Variants in GRIK3 observed in about 807,000 individuals in gnomAD.
The protein encoded by GRIK3 is glutamate ionotropic receptor kainate type subunit 3.
A neutral mutation model predicts 102.5 loss-of-function variants in GRIK3; 29 were observed. The observed-to-expected ratio is 0.28, with a 90% confidence interval of 0.21 to 0.39. The LOEUF is 0.39. Among genes scored for constraint, GRIK3 ranks in the 10% least tolerant of loss-of-function variants. The probability of loss-of-function intolerance (pLI) is 1.00; values close to 1 mark genes in which losing one functional copy is unlikely to be tolerated. For synonymous variants in GRIK3, 511 were observed against 504.9 expected, an observed-to-expected ratio of 1.01 and a Z score of -0.16; for missense variants, 908 against 1,252.4, an observed-to-expected ratio of 0.73 and a Z score of 4.15.
intron 1 of GRIK3, among the ~76,000 whole-genome samples, chr1:36,919,456 G>A (rs991099734): frequency 6.6e-6 from 1 of 152,014 alleles, no homozygotes; most frequent in East Asian, 1.9e-4. Context: ...GTGCCATGCT[G>A]GTGCGCTGCT....
At chr1:36,915,378 G>C (rs1019310069) in intron 1 of GRIK3, among the ~76,000 whole-genome samples, 1 of 152,122 alleles carries the variant, frequency 6.6e-6, no homozygotes, top group Non-Finnish European at 1.5e-5. Flanking sequence ...AACAAGACCT[G>C]GCACATAATT....
chr1:36,921,228 C>T (rs538305405), intron 1 of GRIK3, among the ~76,000 whole-genome samples: 1 of 152,330 alleles, frequency 6.6e-6, no homozygotes, highest in East Asian at 1.9e-4. Flanking sequence ...CAGCTCTGGC[C>T]CTGCTAGCTG....
intron 11 of GRIK3, among the ~76,000 whole-genome samples, chr1:36,820,241 A>C (rs1642681663): frequency 6.6e-6 from 1 of 152,252 alleles, no homozygotes; most frequent in Admixed American, 6.5e-5. Context: ...GGAATGATTA[A>C]ATAAATGATG....
intron 1 of GRIK3, among the ~76,000 whole-genome samples, chr1:36,940,955 A>C (rs1283121022): frequency 2.0e-5 from 3 of 152,166 alleles, no homozygotes; most frequent in Non-Finnish European, 2.9e-5. Context: ...ATGTATTTTA[A>C]ATGTCCACCT....
intron 5 of GRIK3, among the ~76,000 whole-genome samples, chr1:36,862,675 C>G (rs1274901555): frequency 6.6e-6 from 1 of 152,188 alleles, no homozygotes; most frequent in Non-Finnish European, 1.5e-5. Flanking sequence ...GGGCGGCTCC[C>G]TGAGGTGGCC....
intron 2 of GRIK3, among the ~76,000 whole-genome samples, chr1:36,887,314 A>G (rs1329275149): frequency 5.3e-5 from 8 of 152,232 alleles, no homozygotes; most frequent in Non-Finnish European, 1.2e-4. Context: ...TACATTAACC[A>G]TAATGGAAAA....
intron 14 of GRIK3, 51 bp from the exon 15 acceptor site, chr1:36,805,288 G>C (rs1278581488): frequency 1.3e-6 from 2 of 1,553,150 alleles, no homozygotes; most frequent in Non-Finnish European, 1.7e-6. Context: ...GGCCCATTCT[G>C]TGTTTGGCTC....
rs1642667980 is a variant in GRIK3 at position 36,819,026 on chromosome 1, CT to C, written c.1873+709del. Reference sequence around the variant, plus strand: ...CCTGTGCCTGCCCTCCTGCTCCCTGCTGTCTCTGCATCTGACTCCTGGCAGT... The same window carrying C: ...CCTGTGCCTGCCCTCCTGCTCCCTGCGTCTCTGCATCTGACTCCTGGCAGT... On this transcript the variant is annotated intron_variant, in intron 12 of 15. Coordinates refer to ENST00000373091, the MANE Select transcript of GRIK3 (RefSeq NM_000831.4). The surrounding 1 kb of genome is among the most constrained non-coding windows in gnomAD (Gnocchi z 4.1). Among the ~76,000 whole-genome samples, 1 of 152,228 alleles carries C rather than the reference CT, an allele frequency of 6.6e-6. No homozygotes were observed. The highest frequency in any genetic ancestry group is 2.4e-5 in the African/African-American group (1 of 41,464).
chr1:36,846,982 C>T (rs948481049), intron 9 of GRIK3, among the ~76,000 whole-genome samples: 18 of 152,258 alleles, frequency 1.2e-4, no homozygotes, highest in African/African-American at 3.9e-4. Flanking sequence ...CCCCTGCCTC[C>T]AGGAAACAGT....
At chr1:36,858,556 G>A (rs1012138277) in intron 7 of GRIK3, among the ~76,000 whole-genome samples, 1 of 152,196 alleles carries the variant, frequency 6.6e-6, no homozygotes, top group Non-Finnish European at 1.5e-5. Context: ...TTTTCCACAG[G>A]AGAGCTGGTA....
intron 1 of GRIK3, among the ~76,000 whole-genome samples, chr1:36,925,424 A>G (rs1426253488): frequency 6.6e-6 from 1 of 152,274 alleles, no homozygotes; most frequent in Non-Finnish European, 1.5e-5. Context: ...TTCCCCTGAA[A>G]GCTGCCCAGC....
chr1:36,825,573 G>A, intron 11 of GRIK3, 30 bp downstream of exon 11: 1 of 1,477,188 alleles, frequency 6.8e-7, no homozygotes, highest in Non-Finnish European at 9.2e-7. Context: ...TCAACCTTGG[G>A]CCCGATGTCT....
At chr1:36,895,493 T>TG (rs1641162905) in intron 1 of GRIK3, among the ~76,000 whole-genome samples, 1 of 151,598 alleles carries the variant, frequency 6.6e-6, no homozygotes, top group African/African-American at 2.4e-5. Flanking sequence ...GTAACAGAAA[T>TG]GAAGAGTGCC....
intron 1 of GRIK3, among the ~76,000 whole-genome samples, chr1:36,923,481 G>T (rs1641495368): frequency 6.6e-6 from 1 of 152,210 alleles, no homozygotes; most frequent in South Asian, 2.1e-4. Context: ...TGCAGTGGGG[G>T]CTTAAGGCAG....
chr1:37,024,457 T>TTATTAC (rs1223596303), intron 1 of GRIK3, among the ~76,000 whole-genome samples: 31 of 148,998 alleles, frequency 2.1e-4, no homozygotes, highest in Admixed American at 6.7e-5. Flanking sequence ...ATTATTATTA[T>TTATTAC]TATTATTATT....
At chr1:36,859,424 G>T (rs1234338764) in intron 6 of GRIK3, among the ~76,000 whole-genome samples, 173 bp from the exon 7 acceptor site, 1 of 152,062 alleles carries the variant, frequency 6.6e-6, no homozygotes, top group African/African-American at 2.4e-5. Context: ...GGCCAGGCTT[G>T]GCTGACTCTG....
intron 11 of GRIK3, among the ~76,000 whole-genome samples, chr1:36,824,750 C>G (rs2124196943): frequency 6.6e-6 from 1 of 152,026 alleles, no homozygotes; most frequent in South Asian, 2.1e-4. Context: ...GGGAGCGGGC[C>G]CCAGCAGCCA....
At chr1:36,937,861 G>A (rs928960993) in intron 1 of GRIK3, among the ~76,000 whole-genome samples, 12 of 152,330 alleles carry the variant, frequency 7.9e-5, no homozygotes, top group African/African-American at 2.6e-4. Context: ...AACCTGGAGG[G>A]CTCTCACATA....
intron 1 of GRIK3, among the ~76,000 whole-genome samples, chr1:36,987,303 G>A (rs945141116): frequency 1.3e-5 from 2 of 152,070 alleles, no homozygotes; most frequent in African/African-American, 4.8e-5. Context: ...ACTGAGGTTC[G>A]ATTCCATGTC....
Sources: gnomAD v4.1 joint callset for allele counts (sites outside exome capture counted in the v4.1 genomes callset) on GRCh38, gnomAD v4.1.1 for gene constraint, Gnocchi (gnomAD v3.1) non-coding constraint, MANE v1.5 for transcripts, NCBI Gene and HGNC (gene_info 2026-07-23, HGNC 2026-07-21) for gene names.